Variants in LYRM4 observed in about 807,000 individuals in gnomAD.
LYRM4 encodes LYR motif containing 4.
A neutral mutation model predicts 11.7 loss-of-function variants in LYRM4; 9 were observed. That is an observed-to-expected ratio of 0.77 (90% CI 0.46 to 1.34). LYRM4 has a LOEUF of 1.34. Among genes scored for constraint, LYRM4 ranks in the 40% most tolerant of loss-of-function variants. The probability of loss-of-function intolerance (pLI) is 0.00; values close to 1 mark genes in which losing one functional copy is unlikely to be tolerated. For missense variants in LYRM4, 133 were observed against 112.5 expected (o/e 1.18, Z -0.82); for synonymous variants, 42 against 40.4 (o/e 1.04, Z -0.15).
At chr6:5,249,338 C>T (rs2127767688) in intron 1 of LYRM4, among the ~76,000 whole-genome samples, 1 of 152,290 alleles carries the variant, frequency 6.6e-6, no homozygotes, top group South Asian at 2.1e-4. Flanking sequence ...GACTGCCTCA[C>T]TCATGATACT....
the LYRM4 span, chr6:5,066,307 T>C: frequency 1.1e-5 from 8 of 718,138 alleles, no homozygotes; most frequent in Non-Finnish European, 2.1e-5. Flanking sequence ...AATAAACATA[T>C]TTAGTTCTAT....
intron 1 of LYRM4, among the ~76,000 whole-genome samples, chr6:5,225,247 C>CA (rs35803077): frequency 0.31 from 24,002 of 77,020 alleles, 3,256 homozygotes; most frequent in East Asian, 0.47. Context: ...GACTCCGAAT[C>CA]AAAAAAAAAA....
At chr6:5,251,384 G>C (rs1287034009) in intron 1 of LYRM4, among the ~76,000 whole-genome samples, 1 of 152,194 alleles carries the variant, frequency 6.6e-6, no homozygotes, top group Non-Finnish European at 1.5e-5. Flanking sequence ...AAGAAAAGAG[G>C]TTTAATTGGC....
the LYRM4 span, among the ~76,000 whole-genome samples, chr6:5,083,927 T>A: frequency 6.6e-6 from 1 of 152,112 alleles, no homozygotes; most frequent in Non-Finnish European, 1.5e-5. Context: ...AGCATCAGCA[T>A]CCCCTTGTTA....
chr6:5,184,352 C>A (rs1417620251), intron 2 of LYRM4, among the ~76,000 whole-genome samples: 2 of 152,094 alleles, frequency 1.3e-5, no homozygotes, highest in Non-Finnish European at 2.9e-5. Flanking sequence ...AAAGAGCTGT[C>A]CCTTTAAGAG....
chr6:5,231,921 A>G (rs1029656075), intron 1 of LYRM4, among the ~76,000 whole-genome samples: 2 of 152,234 alleles, frequency 1.3e-5, no homozygotes, highest in African/African-American at 4.8e-5. Flanking sequence ...TGAATCATCC[A>G]GTAGGTGTTT....
chr6:5,138,177 ATTTTATATATAGAAG>A (rs1757197268), intron 2 of LYRM4, among the ~76,000 whole-genome samples: 1 of 152,124 alleles, frequency 6.6e-6, no homozygotes, highest in Non-Finnish European at 1.5e-5. Context: ...TTCTGCCAAG[ATTTTATATATAGAAG>A]ATATTCAAAG....
At chr6:5,050,901 C>G in the LYRM4 span, among the ~76,000 whole-genome samples, 1 of 152,140 alleles carries the variant, frequency 6.6e-6, no homozygotes, top group Admixed American at 6.5e-5. Flanking sequence ...AAACAATTAT[C>G]TTAAAGATGC....
chr6:5,047,751 A>T, the LYRM4 span, among the ~76,000 whole-genome samples: 1 of 152,204 alleles, frequency 6.6e-6, no homozygotes, highest in African/African-American at 2.4e-5. Context: ...CCTAAAAACA[A>T]TTCAAGTTGT....
the LYRM4 span, among the ~76,000 whole-genome samples, chr6:5,053,439 G>A: frequency 2.0e-5 from 3 of 152,136 alleles, no homozygotes; most frequent in East Asian, 5.8e-4. Context: ...AGCAGAGGGA[G>A]GAACATGGGA....
chr6:5,095,999 A>T, the LYRM4 span, among the ~76,000 whole-genome samples: 1 of 152,058 alleles, frequency 6.6e-6, no homozygotes, highest in Non-Finnish European at 1.5e-5. Flanking sequence ...AAAAACAAAA[A>T]ACAAAACAAA....
chr6:5,226,546 G>A (rs77967897), intron 1 of LYRM4, among the ~76,000 whole-genome samples: 7,449 of 152,000 alleles, frequency 0.049, 586 homozygotes, highest in African/African-American at 0.16. Context: ...CACCATGCCC[G>A]GCTAATTTTT....
At chr6:5,184,794 T>G (rs956082546) in intron 2 of LYRM4, among the ~76,000 whole-genome samples, 1 of 152,178 alleles carries the variant, frequency 6.6e-6, no homozygotes, top group Admixed American at 6.5e-5. Context: ...GTCCCTGATC[T>G]CCAGGCACTC....
At chr6:5,114,801 T>C (rs553570192) in intron 2 of LYRM4, among the ~76,000 whole-genome samples, 1 of 152,272 alleles carries the variant, frequency 6.6e-6, no homozygotes, top group East Asian at 1.9e-4. Context: ...CGAATTTGTG[T>C]TGGGCCACAT....
At chr6:5,236,195 T>C (rs896595120) in intron 1 of LYRM4, 2 of 152,250 alleles carry the variant, frequency 1.3e-5, no homozygotes, top group African/African-American at 4.8e-5. Context: ...CTGTGTGTGG[T>C]GGCTCATGCC....
chr6:5,196,470 T>G (rs1761063600), intron 2 of LYRM4, among the ~76,000 whole-genome samples: 1 of 152,184 alleles, frequency 6.6e-6, no homozygotes, highest in African/African-American at 2.4e-5. Flanking sequence ...CAAAAGCAGT[T>G]TGACTCTGGG....
In LYRM4 at chr6:5,131,294, AATG is replaced by A. The variant is rs140768150; in HGVS notation, c.208-21806_208-21804del. ...TAAAAGGAGAAACTGACAAAGGCAA[AATG>A]ATGGTGGGGAGCTTTGATATTCCTC... On this transcript the variant is annotated intron_variant, in intron 2 of 2. Coordinates refer to ENST00000330636, the MANE Select transcript of LYRM4 (RefSeq NM_020408.6). Among the ~76,000 whole-genome samples, 420 of 152,354 alleles carry A rather than the reference AATG, an allele frequency of 2.8e-3. 1 individual carries two copies. The highest frequency in any genetic ancestry group is 4.7e-3 in the Non-Finnish European group (320 of 68,032).
chr6:5,144,301 C>A (rs1190401789), intron 2 of LYRM4: 42 of 1,536,134 alleles, frequency 2.7e-5, no homozygotes, highest in Non-Finnish European at 3.6e-5. Flanking sequence ...TGAGGGCTAG[C>A]CTCAGTTTGG....
the LYRM4 span, chr6:5,089,271 A>G: frequency 6.6e-6 from 1 of 152,334 alleles, no homozygotes; most frequent in East Asian, 1.9e-4. Flanking sequence ...ATCATCAGGT[A>G]ATCTTGGTCT....
Sources: gnomAD v4.1 joint callset for allele counts (sites outside exome capture counted in the v4.1 genomes callset) on GRCh38, gnomAD v4.1.1 for gene constraint, MANE v1.5 for transcripts, NCBI Gene and HGNC (gene_info 2026-07-23, HGNC 2026-07-21) for gene names.